GRID1: variants seen among roughly 807,000 people sequenced by gnomAD.
The protein encoded by GRID1 is glutamate ionotropic receptor delta type subunit 1, also known as glutamate receptor ionotropic, delta-1.
Under a neutral mutation model 98.0 loss-of-function variants are expected in GRID1, and 28 were observed. The observed-to-expected ratio is 0.29, with a 90% CI of 0.21 to 0.39. GRID1 has a LOEUF of 0.39. Ranked by LOEUF, GRID1 falls within the 10% of genes least tolerant of loss-of-function variation. The pLI is 1.00. For synonymous variants in GRID1, 553 were observed against 538.5 expected (o/e 1.03, Z -0.37); for missense variants, 1,111 against 1,340.5 (o/e 0.83, Z 2.67).
At chr10:86,347,319 T>A (rs1213317497) in intron 2 of GRID1, among the ~76,000 whole-genome samples, 2 of 152,156 alleles carry the variant, frequency 1.3e-5, no homozygotes, top group Non-Finnish European at 2.9e-5. Flanking sequence ...AGTCTCGGCA[T>A]CCTTTCTCTT....
chr10:86,246,074 A>G (rs1846721918), intron 2 of GRID1, among the ~76,000 whole-genome samples: 1 of 152,204 alleles, frequency 6.6e-6, no homozygotes, highest in Non-Finnish European at 1.5e-5. Flanking sequence ...GGAAAAACAC[A>G]AGGGTCCTTC....
intron 8 of GRID1, among the ~76,000 whole-genome samples, chr10:85,825,862 T>C (rs1842814743): frequency 6.6e-6 from 1 of 152,024 alleles, no homozygotes; most frequent in Admixed American, 6.5e-5. Flanking sequence ...ATAACTTATA[T>C]TTTCAAATAT....
intron 2 of GRID1, among the ~76,000 whole-genome samples, chr10:86,271,186 G>A (rs918188450): frequency 3.9e-5 from 6 of 152,248 alleles, no homozygotes; most frequent in Non-Finnish European, 8.8e-5. Flanking sequence ...AACAGTGACT[G>A]TTTTCAAACC....
At position 85,706,083 on chromosome 10, in the gene GRID1, T is replaced by C. The variant is rs569670602; in HGVS notation, c.1997+16920A>G. Among the ~76,000 whole-genome samples, 177 of 152,284 alleles carry C rather than the reference T, an allele frequency of 1.2e-3. 3 individuals carry two copies. The South Asian group carries it at 0.018, about 16-fold the overall frequency. ...GGGATGCCCTCTCTCACCACTCCTA[T>C]TTAACATAGTGTTGGAAGTTCTGGC... On this transcript the variant is annotated intron_variant, in intron 12 of 15. Transcript: ENST00000327946.
At chr10:86,224,095 C>T (rs905991755) in intron 2 of GRID1, among the ~76,000 whole-genome samples, 3 of 152,226 alleles carry the variant, frequency 2.0e-5, no homozygotes, top group Non-Finnish European at 4.4e-5. Context: ...CACATGTTCC[C>T]TCCAACTGTA....
intron 2 of GRID1, among the ~76,000 whole-genome samples, chr10:86,303,122 A>G (rs1465776941): frequency 1.3e-5 from 2 of 152,370 alleles, no homozygotes; most frequent in East Asian, 3.9e-4. Flanking sequence ...TCTGCTAGGC[A>G]TGAAATGTAG....
At chr10:85,624,984 AC>A (rs1842893901) in intron 13 of GRID1, among the ~76,000 whole-genome samples, 1 of 152,220 alleles carries the variant, frequency 6.6e-6, no homozygotes. Flanking sequence ...TAAAGACTTT[AC>A]AAAAACACTA....
At position 86,137,091 on chromosome 10, in the gene GRID1, T is replaced by C. The variant is rs561526638; in HGVS notation, c.726+1728A>G. Among the ~76,000 whole-genome samples, 120 of 152,348 alleles carry C rather than the reference T, an allele frequency of 7.9e-4. 1 individual carries two copies. The highest frequency in any genetic ancestry group is 1.1e-3 in the Non-Finnish European group (74 of 68,032). ...CCAGCGAATCCACCACTGCAGGCGT[T>C]TGCATAATTAACCACTTGGCAATAA... On this transcript the variant is annotated intron_variant, in intron 4 of 15. Transcript: ENST00000327946.
chr10:86,127,654 G>A (rs926901355), intron 4 of GRID1, among the ~76,000 whole-genome samples: 4 of 152,158 alleles, frequency 2.6e-5, no homozygotes, highest in Admixed American at 6.5e-5. Context: ...GCTGGAGATC[G>A]TGAGCACTTT....
chr10:85,690,497 A>T (rs1339266573), intron 12 of GRID1, among the ~76,000 whole-genome samples: 1 of 152,172 alleles, frequency 6.6e-6, no homozygotes, highest in African/African-American at 2.4e-5. Context: ...TATCCACAGG[A>T]TCACTATCTA....
At chr10:85,886,191 T>C (rs1215863371) in intron 5 of GRID1, among the ~76,000 whole-genome samples, 2 of 152,184 alleles carry the variant, frequency 1.3e-5, no homozygotes, top group African/African-American at 4.8e-5. Flanking sequence ...GTTTTCTGAA[T>C]CCTAAGAAGA....
chr10:85,925,928 T>C (rs552665213), intron 4 of GRID1, among the ~76,000 whole-genome samples: 8 of 152,238 alleles, frequency 5.3e-5, no homozygotes, highest in Non-Finnish European at 8.8e-5. Context: ...TTTTAAAAGA[T>C]GGAAACATGT....
At position 85,724,646 on chromosome 10, in the gene GRID1, T is replaced by C. The variant is rs1390906942; in HGVS notation, c.1564A>G (p.Ile522Val). 7.4e-6 allele frequency: 12 copies of C among 1,611,894 alleles called. No individual in the cohort carries two copies. The East Asian group carries it at 2.2e-4, about 30-fold the overall frequency. Residue 522 changes from isoleucine to valine, a missense_variant, in exon 11 of 16, where the codon ATC becomes GTC. Physicochemically the swap from Ile to Val is conservative, Grantham distance 29 (BLOSUM62 3). Transcript: ENST00000327946. ...ACAACGCTCTCCCTCTCTGGGGTGATGGTGATGGCAGAGATGGCCAAGTCT... is the reference window on the plus strand; with the variant it reads ...ACAACGCTCTCCCTCTCTGGGGTGACGGTGATGGCAGAGATGGCCAAGTCT... ...RADLAISAIT[I>V]TPERESVVDF...
intron 12 of GRID1, among the ~76,000 whole-genome samples, chr10:85,695,632 G>A (rs1007137696): frequency 2.6e-5 from 4 of 152,144 alleles, no homozygotes; most frequent in Non-Finnish European, 5.9e-5. Context: ...AAAATCAAAA[G>A]ATGTGGAATA....
In GRID1 at chr10:86,138,980, C is replaced by G; in HGVS notation, c.565G>C (p.Gly189Arg). ...ACCTTTTGTAAAGAGACGTCAAGGC[C>G]CAGCCGCGAGGCCTGGTCCAGAAAG... Reference protein sequence around the residue: ...QSFLDQASRLGLDVSLQKVDK... With the variant: ...QSFLDQASRLRLDVSLQKVDK... The change falls in exon 4 of 16, where the codon GGC becomes CGC. Residue 189 changes from glycine to arginine, a missense_variant. Physicochemically the swap from Gly to Arg is moderately radical, Grantham distance 125. This residue lies in a region of GRID1 where 346 missense variants were observed against 452.3 expected (regional missense o/e 0.76). Transcript: ENST00000327946. 1 of 1,614,090 alleles carries G rather than the reference C, an allele frequency of 6.2e-7. No homozygotes were observed. Among genetic ancestry groups the G allele is most frequent in the Non-Finnish European group, 8.5e-7 (1 of 1,179,930 alleles).
Position 85,667,524 on chromosome 10 carries a change from G to A in GRID1, c.1998-20127C>T, listed in dbSNP as rs138859782. Among the ~76,000 whole-genome samples, 1,321 of 152,290 alleles carry A rather than the reference G, an allele frequency of 8.7e-3. 19 individuals are homozygous for A. Among genetic ancestry groups the A allele is most frequent in the Middle Eastern group, 0.017 (5 of 294 alleles). On this transcript the variant is annotated intron_variant, in intron 12 of 15. Transcript: ENST00000327946. The stretch of plus-strand genomic sequence containing the variant: ...CTATTATTATTCTCAGTCTACAGAG[G>A]AGGAATCTGGAGCCCAGAAGGTTAA...
intron 2 of GRID1, among the ~76,000 whole-genome samples, chr10:86,297,381 T>C (rs1847608104): frequency 1.3e-5 from 2 of 152,178 alleles, no homozygotes; most frequent in South Asian, 4.1e-4. Flanking sequence ...GGAAAGGAAT[T>C]CTTGATTAAT....
chr10:86,289,578 C>T (rs1268843510), intron 2 of GRID1, among the ~76,000 whole-genome samples: 2 of 151,982 alleles, frequency 1.3e-5, no homozygotes, highest in Non-Finnish European at 2.9e-5. Context: ...TAAAATATGG[C>T]TCTGATCTCC....
intron 4 of GRID1, among the ~76,000 whole-genome samples, chr10:86,105,258 C>T (rs1302808244): frequency 2.6e-5 from 4 of 152,146 alleles, no homozygotes; most frequent in Non-Finnish European, 5.9e-5. Context: ...CCCAAGAAGA[C>T]AGTGAGGGTG....
Sources: allele counts gnomAD v4.1 joint callset (sites outside exome capture counted in the v4.1 genomes callset), GRCh38; gene constraint gnomAD v4.1.1; regional missense constraint gnomAD v4.1.1; transcripts MANE v1.5; gene names NCBI Gene and HGNC (gene_info 2026-07-23, HGNC 2026-07-21).